The following CTNND1 variants were observed in gnomAD, a reference collection of about 807,000 sequenced individuals.
The protein encoded by CTNND1 is catenin delta 1.
Under a neutral mutation model 112.1 loss-of-function variants are expected in CTNND1, and 16 were observed. The ratio of observed to expected loss-of-function variants is 0.14; its 90% CI spans 0.10 to 0.22. CTNND1 has a LOEUF of 0.22. Ranked by LOEUF, CTNND1 falls within the 10% of genes least tolerant of loss-of-function variation. The probability of loss-of-function intolerance (pLI) is 1.00; values close to 1 mark genes in which losing one functional copy is unlikely to be tolerated. For missense variants in CTNND1, 1,008 were observed against 1,257.0 expected (o/e 0.80, Z 3.00); for synonymous variants, 420 against 446.5 (o/e 0.94, Z 0.75).
chr11:57,775,346 AC>A (rs767122332), intron 1 of CTNND1, among the ~76,000 whole-genome samples: 1,568 of 137,486 alleles, frequency 0.011, 14 homozygotes, highest in Non-Finnish European at 0.021. Context: ...AAAAAAAAAA[AC>A]AACACACACA....
rs1241986950 is a variant in CTNND1, at chr11:57,773,072, C to T, written c.-214+10953C>T. Among the ~76,000 whole-genome samples, 6 of 152,170 alleles carry T rather than the reference C, an allele frequency of 3.9e-5. No individual in the cohort carries two copies. The South Asian group carries it at 1.0e-3, about 26-fold the overall frequency. The stretch of plus-strand genomic sequence containing the variant: ...TTGCATGGGAAATAATCCAGGCAAT[C>T]AGAGATTACCCAAAATTTTGAAATT... On this transcript the variant is annotated intron_variant, in intron 1 of 20. Coordinates refer to ENST00000399050, the MANE Select transcript of CTNND1 (RefSeq NM_001085458.2).
chr11:57,795,377 G>T (rs1334085061), intron 4 of CTNND1, among the ~76,000 whole-genome samples, 200 bp from the exon 5 acceptor site: 1 of 152,112 alleles, frequency 6.6e-6, no homozygotes, highest in Non-Finnish European at 1.5e-5. Context: ...TTTGTTAAAT[G>T]ACTACAACTG....
At chr11:57,766,488 G>C (rs1951107700) in intron 1 of CTNND1, among the ~76,000 whole-genome samples, 1 of 152,226 alleles carries the variant, frequency 6.6e-6, no homozygotes, top group Non-Finnish European at 1.5e-5. Context: ...GCCTACAGGA[G>C]TGAACTGTAG....
chr11:57,811,378 C>T (rs954323616), intron 16 of CTNND1, 21 bp from the exon 17 acceptor site: 16 of 1,583,840 alleles, frequency 1.0e-5, no homozygotes, highest in East Asian at 9.0e-5. Flanking sequence ...GTCACATTGT[C>T]GCATTTGTGT....
At chr11:57,815,602 C>A in intron 19 of CTNND1, 102 bp downstream of exon 19, 1 of 1,043,848 alleles carries the variant, frequency 9.6e-7, no homozygotes, top group Non-Finnish European at 1.5e-6. Context: ...AGATCGCATC[C>A]TTTTCTGGTA....
In CTNND1 at chr11:57,810,196, A is replaced by G; in HGVS notation, c.2523A>G (p.Lys841=). The change falls in exon 16 of 21, where the codon AAA becomes AAG. Residue 841 remains lysine (K), a synonymous_variant. Coordinates refer to ENST00000399050, the MANE Select transcript of CTNND1 (RefSeq NM_001085458.2). ...GYKELRKPLE[K]EGWKKSDFQV... ...AGGAACTGCGGAAGCCACTGGAAAA[A>G]GAAGGATGGAAGAAATCAGACTTTC... 2 of 1,610,760 alleles carry G rather than the reference A, an allele frequency of 1.2e-6. No homozygotes were observed. The highest frequency in any genetic ancestry group is 1.7e-6 in the Non-Finnish European group (2 of 1,178,556).
intron 15 of CTNND1, 102 bp downstream of exon 15, chr11:57,809,568 G>A: frequency 9.8e-7 from 1 of 1,015,740 alleles, no homozygotes; most frequent in Admixed American, 2.4e-5. Flanking sequence ...TTATTTACGT[G>A]TAATGTGTGA....
chr11:57,769,972 TTTCTATGTTG>T (rs2136019607), intron 1 of CTNND1, among the ~76,000 whole-genome samples: 1 of 152,336 alleles, frequency 6.6e-6, no homozygotes, highest in Non-Finnish European at 1.5e-5. Context: ...TTATTTATGC[TTTCTATGTTG>T]TTCTATGTTG....
intron 1 of CTNND1, among the ~76,000 whole-genome samples, chr11:57,768,577 TAG>T (rs959045311): frequency 2.0e-5 from 3 of 151,746 alleles, no homozygotes; most frequent in Non-Finnish European, 4.4e-5. Flanking sequence ...GTATTTTTAG[TAG>T]AGACGGGGTT....
At chr11:57,769,625 T>A in intron 1 of CTNND1, among the ~76,000 whole-genome samples, 1 of 152,182 alleles carries the variant, frequency 6.6e-6, no homozygotes, top group African/African-American at 2.4e-5. Context: ...CCCTATCTTT[T>A]TTTTCTTTTA....
At chr11:57,770,672 A>G (rs1952353126) in intron 1 of CTNND1, among the ~76,000 whole-genome samples, 1 of 152,124 alleles carries the variant, frequency 6.6e-6, no homozygotes, top group African/African-American at 2.4e-5. Context: ...AAAAAATAAA[A>G]AAAAAGAAAA....
intron 18 of CTNND1, among the ~76,000 whole-genome samples, chr11:57,815,117 G>A (rs11570220): frequency 2.8e-4 from 43 of 152,218 alleles, no homozygotes; most frequent in Non-Finnish European, 5.6e-4. Context: ...TAGTAGAGAT[G>A]GGGTTTCACC....
At position 57,791,665 on chromosome 11, in the gene CTNND1, C is replaced by T. The variant is rs932570817; in HGVS notation, c.187C>T (p.Arg63Trp). 1.3e-6 allele frequency: 2 copies of T among 1,569,554 alleles called. No homozygotes were observed. The highest frequency in any genetic ancestry group is 1.8e-5 in the Admixed American group (1 of 55,690). ...PLMANGTLTRRHQNGRFVGDA... is the reference protein window; with the variant it reads ...PLMANGTLTRWHQNGRFVGDA... ...CATGGCCAACGGCACACTCACCCGC[C>T]GGCATCAGGTAACCCCTCTCTCCAT... The change falls in exon 3 of 21, where the codon CGG becomes TGG. Residue 63 changes from arginine to tryptophan, a missense_variant. Arg to Trp is a moderately radical substitution (Grantham distance 101). Coordinates refer to ENST00000399050, the MANE Select transcript of CTNND1 (RefSeq NM_001085458.2).
intron 1 of CTNND1, among the ~76,000 whole-genome samples, chr11:57,786,349 C>T (rs184449174): frequency 0.013 from 2,040 of 151,818 alleles, 24 homozygotes; most frequent in South Asian, 0.036. Flanking sequence ...CTGGCTGACA[C>T]GGTGAAACCC....
At chr11:57,783,389 C>T (rs1438199403) in intron 1 of CTNND1, among the ~76,000 whole-genome samples, 2 of 149,750 alleles carry the variant, frequency 1.3e-5, no homozygotes, top group Non-Finnish European at 3.0e-5. Context: ...ATAGAAAGGC[C>T]GGGCTCACGC....
Position 57,796,621 on chromosome 11 carries a change from G to A in CTNND1, c.585G>A (p.Gly195=), listed in dbSNP as rs1373696815. The stretch of plus-strand genomic sequence containing the variant: ...ATGGGGGACCTGGTCCCTATGTGGG[G>A]CAAGCTGGCACTGCTACCCTTCCTA... ...NGNGGPGPYV[G]QAGTATLPRN... is the part of the protein sequence containing the mutation. The change falls in exon 6 of 21, where the codon GGG becomes GGA. Residue 195 remains glycine, a synonymous_variant. Coordinates refer to ENST00000399050, the MANE Select transcript of CTNND1 (RefSeq NM_001085458.2). The A allele has an allele frequency of 6.2e-7, 1 of 1,614,050 alleles. No individual in the cohort carries two copies. Among genetic ancestry groups the A allele is most frequent in the Non-Finnish European group, 8.5e-7 (1 of 1,179,906 alleles).
chr11:57,787,151 C>T (rs2060226202), intron 1 of CTNND1, among the ~76,000 whole-genome samples: 1 of 152,212 alleles, frequency 6.6e-6, no homozygotes, highest in Non-Finnish European at 1.5e-5. Flanking sequence ...GTTTCACATT[C>T]CCTTTCTCCA....
Position 57,796,838 on chromosome 11 carries a change from A to G in CTNND1, c.802A>G (p.Ser268Gly). Reference protein sequence around the residue: ...GPQPQVRVGGSSVDLHRFHPE... With the variant: ...GPQPQVRVGGGSVDLHRFHPE... ...CCAACCCCAGGTTCGGGTAGGTGGGAGCAGCGTGGATCTGCATCGCTTTCA... is the reference window on the plus strand; with the variant it reads ...CCAACCCCAGGTTCGGGTAGGTGGGGGCAGCGTGGATCTGCATCGCTTTCA... Residue 268 changes from serine (S) to glycine (G), a missense_variant, in exon 6 of 21, where the codon AGC (serine) becomes GGC (glycine). Ser to Gly is a moderately conservative substitution (Grantham distance 56). Around this residue, in one of 5 missense-constraint regions of CTNND1, gnomAD observed 404 missense variants for 457.9 expected, o/e 0.88. Transcript: ENST00000399050. 6.2e-7 allele frequency: 1 copy of G among 1,611,916 alleles called. No individual in the cohort carries two copies. Among genetic ancestry groups the G allele is most frequent in the Non-Finnish European group, 8.5e-7 (1 of 1,178,564 alleles).
chr11:57,790,526 AC>A lies in CTNND1; in HGVS notation c.-94-856del, dbSNP rs1448309234. ...TGGGATTATAGGAGTACGCCACCACACCCGGCTAATTTTGTCTGTGTGTGTG... is the reference window on the plus strand; with the variant it reads ...TGGGATTATAGGAGTACGCCACCACACCGGCTAATTTTGTCTGTGTGTGTG... On this transcript the variant is annotated intron_variant, in intron 2 of 20. Coordinates refer to ENST00000399050, the MANE Select transcript of CTNND1 (RefSeq NM_001085458.2). 2.6e-5 allele frequency among the ~76,000 whole-genome samples: 3 copies of A among 114,938 alleles called. No homozygotes were observed. The Admixed American group carries it at 2.9e-4, about 11-fold the overall frequency. 75.4% of individuals were successfully genotyped at this position (114,938 alleles called of 152,430 possible).
Sources: gnomAD v4.1 joint callset for allele counts (sites outside exome capture counted in the v4.1 genomes callset) on GRCh38, gnomAD v4.1.1 for gene constraint, gnomAD v4.1.1 regional missense constraint, MANE v1.5 for transcripts, NCBI Gene and HGNC (gene_info 2026-07-23, HGNC 2026-07-21) for gene names.